CDC42BPA: variants seen among roughly 807,000 people sequenced by gnomAD.
CDC42BPA encodes the protein serine/threonine-protein kinase MRCK alpha.
Under a neutral mutation model 223.5 loss-of-function variants are expected in CDC42BPA, and 80 were observed. That is an observed-to-expected ratio of 0.36 (90% confidence interval 0.30 to 0.43). The LOEUF (loss-of-function observed/expected upper bound fraction) is 0.43. CDC42BPA is among the 20% of genes least tolerant of loss of function. CDC42BPA has a pLI of 1.00. For missense variants in CDC42BPA, 1,743 were observed against 2,099.9 expected (o/e 0.83, Z 3.32); for synonymous variants, 694 against 718.6 (o/e 0.97, Z 0.55).
At chr1:227,187,082 A>G (rs1047395336) in intron 5 of CDC42BPA, among the ~76,000 whole-genome samples, 1 of 152,218 alleles carries the variant, frequency 6.6e-6, no homozygotes, top group African/African-American at 2.4e-5. Context: ...CTTTGGGCTC[A>G]AAGTCTATAC....
rs1283756276 is a variant in CDC42BPA at position 227,282,223 on chromosome 1, T to C, written c.179-28068A>G. Among the ~76,000 whole-genome samples, 5 of 151,228 alleles carry C rather than the reference T, an allele frequency of 3.3e-5. No individual in the cohort carries two copies. The East Asian group carries it at 9.7e-4, about 29-fold the overall frequency. On this transcript the variant is annotated intron_variant, in intron 1 of 36. Coordinates refer to ENST00000366766, the MANE Select transcript of CDC42BPA (RefSeq NM_001394014.1). The stretch of plus-strand genomic sequence containing the variant: ...AAAAAAAAAGGGAAAAGAAAAATTT[T>C]AAGTGAATTAGAGTAAACATTACCT...
chr1:227,267,844 G>A (rs916293349), intron 1 of CDC42BPA, among the ~76,000 whole-genome samples: 1 of 152,028 alleles, frequency 6.6e-6, no homozygotes, highest in Non-Finnish European at 1.5e-5. Context: ...CTCCCACCAG[G>A]TCCCTCCCTC....
chr1:227,061,748 TG>T, intron 21 of CDC42BPA, among the ~76,000 whole-genome samples: 1 of 152,358 alleles, frequency 6.6e-6, no homozygotes, highest in East Asian at 1.9e-4. Flanking sequence ...TCTCAACGAT[TG>T]CTTTCTTAGC....
chr1:227,245,832 T>C (rs1385406365), intron 2 of CDC42BPA, among the ~76,000 whole-genome samples: 1 of 152,158 alleles, frequency 6.6e-6, no homozygotes, highest in East Asian at 1.9e-4. Flanking sequence ...CCAGGGAGTA[T>C]GCTGTGGGCC....
chr1:227,291,538 G>C (rs1572896016), intron 1 of CDC42BPA, among the ~76,000 whole-genome samples: 1 of 151,852 alleles, frequency 6.6e-6, no homozygotes, highest in African/African-American at 2.4e-5. Flanking sequence ...GACAGAGTGA[G>C]ACTCTGTCTC....
intron 21 of CDC42BPA, 47 bp downstream of exon 21, chr1:227,069,730 G>T (rs1677885399): frequency 7.6e-7 from 1 of 1,322,784 alleles, no homozygotes; most frequent in South Asian, 1.2e-5. Flanking sequence ...ATTACAAAGT[G>T]AATTTTAAAT....
At chr1:227,112,600 A>G in intron 13 of CDC42BPA, 71 bp downstream of exon 13, 1 of 1,288,300 alleles carries the variant, frequency 7.8e-7, no homozygotes, top group African/African-American at 1.5e-5. Context: ...ATTATATATT[A>G]TATTACTAGT....
chr1:227,239,379 C>A (rs571168531), intron 2 of CDC42BPA, among the ~76,000 whole-genome samples: 1 of 152,170 alleles, frequency 6.6e-6, no homozygotes, highest in African/African-American at 2.4e-5. Context: ...ACCCACTGAA[C>A]GTACAACATC....
chr1:227,177,810 T>C (rs187597206), intron 5 of CDC42BPA, among the ~76,000 whole-genome samples: 3 of 152,342 alleles, frequency 2.0e-5, no homozygotes, highest in Non-Finnish European at 4.4e-5. Context: ...TTTTCATTCC[T>C]GAGAATCTGC....
At chr1:227,304,888 A>G (rs954275843) in intron 1 of CDC42BPA, among the ~76,000 whole-genome samples, 4 of 152,210 alleles carry the variant, frequency 2.6e-5, no homozygotes, top group Admixed American at 1.3e-4. Flanking sequence ...TAAAACTCAC[A>G]ATATACACAC....
In CDC42BPA at chr1:227,070,133, C is replaced by T. The variant is rs182205681; in HGVS notation, c.2828-280G>A. On this transcript the variant is annotated intron_variant, in intron 20 of 36. Transcript: ENST00000366766. ...TAAATAATAAAAAACCACATTAAAT[C>T]TTTTGGTAGGCTTGAGAGAATTTAA... Among the ~76,000 whole-genome samples, 515 of 151,816 alleles carry T rather than the reference C, an allele frequency of 3.4e-3. 4 individuals are homozygous for T. Among genetic ancestry groups the T allele is most frequent in the Non-Finnish European group, 4.2e-3 (285 of 67,710 alleles).
intron 8 of CDC42BPA, among the ~76,000 whole-genome samples, chr1:227,143,678 T>G (rs1660120690): frequency 1.3e-5 from 2 of 152,150 alleles, no homozygotes; most frequent in African/African-American, 4.8e-5. Flanking sequence ...CTGCTGGTGG[T>G]GAGTTCAGTG....
At chr1:227,026,199 T>TAA (rs758224649) in intron 30 of CDC42BPA, 47 bp from the exon 31 acceptor site, 1 of 991,998 alleles carries the variant, frequency 1.0e-6, no homozygotes, top group Admixed American at 2.1e-5. Context: ...TTTTAACTAT[T>TAA]AAACCCCAAA....
intron 21 of CDC42BPA, among the ~76,000 whole-genome samples, chr1:227,059,798 A>C (rs1675419598): frequency 6.6e-6 from 1 of 152,208 alleles, no homozygotes; most frequent in Non-Finnish European, 1.5e-5. Flanking sequence ...GCCTGGCGTT[A>C]GACATTTACC....
Position 227,158,449 on chromosome 1 carries a change from T to C in CDC42BPA, c.693+2094A>G, listed in dbSNP as rs547192786. Among the ~76,000 whole-genome samples, 17 of 152,296 alleles carry C rather than the reference T, an allele frequency of 1.1e-4. No homozygotes were observed. The South Asian group carries it at 2.9e-3, about 26-fold the overall frequency. ...AGAGAGTATTGATTCTATTATCTTC[T>C]TATGAAGAAAAACAATTCTTATGTA... On this transcript the variant is annotated intron_variant, in intron 6 of 36. Coordinates refer to ENST00000366766, the MANE Select transcript of CDC42BPA (RefSeq NM_001394014.1).
At chr1:227,236,800 G>T (rs1300413258) in intron 2 of CDC42BPA, among the ~76,000 whole-genome samples, 3 of 152,102 alleles carry the variant, frequency 2.0e-5, no homozygotes, top group Non-Finnish European at 2.9e-5. Context: ...GGGCACAGTG[G>T]CTCATGCCTG....
At chr1:227,035,437 A>G in intron 25 of CDC42BPA, 34 bp downstream of exon 25, 1 of 1,520,348 alleles carries the variant, frequency 6.6e-7, no homozygotes, top group Non-Finnish European at 9.0e-7. Flanking sequence ...TAAATCTTAA[A>G]GGATTAATCT....
chr1:227,150,946 A>G (rs35576579), intron 6 of CDC42BPA, among the ~76,000 whole-genome samples: 1 of 151,694 alleles, frequency 6.6e-6, no homozygotes, highest in Non-Finnish European at 1.5e-5. Context: ...GGATTCAAGT[A>G]TTCTAAATTT....
At chr1:227,040,634 T>C (rs1432187917) in intron 23 of CDC42BPA, among the ~76,000 whole-genome samples, 3 of 152,178 alleles carry the variant, frequency 2.0e-5, no homozygotes, top group Non-Finnish European at 2.9e-5. Context: ...GCTTTATACC[T>C]TCTTAGGAAA....
Sources: gnomAD v4.1 joint callset for allele counts (sites outside exome capture counted in the v4.1 genomes callset) on GRCh38, gnomAD v4.1.1 for gene constraint, MANE v1.5 for transcripts, NCBI Gene and HGNC (gene_info 2026-07-23, HGNC 2026-07-21) for gene names.